GMDS: variants seen among roughly 807,000 people sequenced by gnomAD.
GMDS encodes the protein GDP-mannose 4,6-dehydratase, also known as GDP-mannose 4,6 dehydratase.
A neutral mutation model predicts 49.9 loss-of-function variants in GMDS; 20 were observed. The ratio of observed to expected loss-of-function variants is 0.40; its 90% confidence interval spans 0.28 to 0.58. The LOEUF (loss-of-function observed/expected upper bound fraction) is 0.58. GMDS is among the 20% of genes least tolerant of loss of function. The pLI is 0.42. For synonymous variants in GMDS, 177 were observed against 178.6 expected (o/e 0.99, Z 0.07); for missense variants, 362 against 481.4 (o/e 0.75, Z 2.32).
At chr6:1,874,654 A>T (rs1043892799) in intron 7 of GMDS, among the ~76,000 whole-genome samples, 3 of 152,226 alleles carry the variant, frequency 2.0e-5, no homozygotes, top group Non-Finnish European at 4.4e-5. Context: ...TAGGGGAAGC[A>T]TGACAATATT....
At chr6:1,988,589 C>A (rs1232194185) in intron 4 of GMDS, among the ~76,000 whole-genome samples, 1 of 152,126 alleles carries the variant, frequency 6.6e-6, no homozygotes, top group African/African-American at 2.4e-5. Context: ...AATTTTGGAA[C>A]ATGCATGCCA....
At chr6:1,772,113 C>T (rs1170106119) in intron 7 of GMDS, among the ~76,000 whole-genome samples, 1 of 152,180 alleles carries the variant, frequency 6.6e-6, no homozygotes, top group Non-Finnish European at 1.5e-5. Context: ...TCCAAGTATA[C>T]ACTGCCCTTT....
intron 4 of GMDS, among the ~76,000 whole-genome samples, chr6:2,113,957 G>A (rs1774700935): frequency 6.6e-6 from 1 of 152,192 alleles, no homozygotes; most frequent in Admixed American, 6.5e-5. Context: ...GTGTAGCAAT[G>A]TAGAGGGAAC....
intron 9 of GMDS, among the ~76,000 whole-genome samples, chr6:1,649,378 G>A (rs1333866486): frequency 6.6e-6 from 1 of 152,146 alleles, no homozygotes; most frequent in Non-Finnish European, 1.5e-5. Context: ...TCAAATTGAG[G>A]TCAGAATATC....
intron 7 of GMDS, among the ~76,000 whole-genome samples, chr6:1,852,017 AG>A (rs1212430369): frequency 1.3e-5 from 2 of 152,228 alleles, no homozygotes; most frequent in African/African-American, 2.4e-5. Context: ...CGGAATCACA[AG>A]GGTCCCTGAA....
chr6:1,985,036 T>C (rs1403291253), intron 4 of GMDS, among the ~76,000 whole-genome samples: 1 of 152,208 alleles, frequency 6.6e-6, no homozygotes, highest in Non-Finnish European at 1.5e-5. Context: ...GTCAGGCTTG[T>C]TGCTTAAAAT....
intron 1 of GMDS, among the ~76,000 whole-genome samples, chr6:2,216,496 CGT>C (rs923818380): frequency 2.6e-5 from 4 of 152,156 alleles, no homozygotes; most frequent in Non-Finnish European, 4.4e-5. Context: ...CAGGTGTAAG[CGT>C]GTGTGAGCAC....
chr6:2,202,772 T>C (rs1779608519), intron 1 of GMDS, among the ~76,000 whole-genome samples: 1 of 152,172 alleles, frequency 6.6e-6, no homozygotes, highest in Non-Finnish European at 1.5e-5. Context: ...AAATGCCTCC[T>C]GCTGCAATAA....
At chr6:1,969,520 G>T (rs182949203) in intron 4 of GMDS, among the ~76,000 whole-genome samples, 5 of 152,178 alleles carry the variant, frequency 3.3e-5, no homozygotes, top group Admixed American at 3.3e-4. Flanking sequence ...ACAAGAAGAA[G>T]AATATATGTA....
At chr6:1,663,166 G>A (rs1223441013) in intron 9 of GMDS, among the ~76,000 whole-genome samples, 2 of 152,168 alleles carry the variant, frequency 1.3e-5, no homozygotes, top group Non-Finnish European at 2.9e-5. Context: ...GTGTCTTATG[G>A]CTTTTCTAGA....
At position 2,243,363 on chromosome 6, in the gene GMDS, C is replaced by T. The variant is rs1343563691; in HGVS notation, c.102+1958G>A. ...AAAATTAGGTTCCATTTCTAATCTG[C>T]ACTGATTCATACTGCTGGTCGTGTA... On this transcript the variant is annotated intron_variant, in intron 1 of 10. Coordinates refer to ENST00000380815, the MANE Select transcript of GMDS (RefSeq NM_001500.4). Among the ~76,000 whole-genome samples the T allele has an allele frequency of 3.3e-5, 5 of 152,164 alleles. No homozygotes were observed. The East Asian group carries it at 9.6e-4, about 29-fold the overall frequency.
chr6:2,064,836 G>A (rs1412068352), intron 4 of GMDS, among the ~76,000 whole-genome samples: 1 of 152,150 alleles, frequency 6.6e-6, no homozygotes, highest in Admixed American at 6.5e-5. Flanking sequence ...CTTTTGGGGA[G>A]GGAGATGTCA....
chr6:1,630,520 G>A (rs572916693), intron 9 of GMDS, among the ~76,000 whole-genome samples: 8 of 152,192 alleles, frequency 5.3e-5, no homozygotes, highest in Admixed American at 2.6e-4. Context: ...GGCCTTCCCC[G>A]TTCAACCAGG....
chr6:1,656,203 C>A (rs1373604303), intron 9 of GMDS, among the ~76,000 whole-genome samples: 4 of 152,230 alleles, frequency 2.6e-5, no homozygotes, highest in Admixed American at 2.6e-4. Context: ...GTTAATGGAA[C>A]TTTCTAAAAC....
intron 7 of GMDS, among the ~76,000 whole-genome samples, chr6:1,881,595 T>C (rs1385136549): frequency 2.0e-5 from 3 of 152,172 alleles, no homozygotes; most frequent in Non-Finnish European, 4.4e-5. Context: ...TGCAAAGATG[T>C]GGTTAAAGTA....
At position 2,191,761 on chromosome 6, in the gene GMDS, A is replaced by AC. The variant is rs1439249034; in HGVS notation, c.102+53559dup. 3.3e-5 allele frequency among the ~76,000 whole-genome samples: 5 copies of AC among 152,144 alleles called. No individual in the cohort carries two copies. Among genetic ancestry groups the AC allele is most frequent in the African/African-American group, 4.8e-5 (2 of 41,438 alleles). On this transcript the variant is annotated intron_variant, in intron 1 of 10. Coordinates refer to ENST00000380815, the MANE Select transcript of GMDS (RefSeq NM_001500.4). This position sits in a 1 kb window ranked among gnomAD's most constrained non-coding sequence, Gnocchi z 4.6. ...AGCAGCTTGATGCTGGCCTGCAGGT[A>AC]CCCCATGGATGAGCAGCCTGGGTAC...
intron 7 of GMDS, among the ~76,000 whole-genome samples, chr6:1,885,121 G>A (rs1321744342): frequency 2.0e-5 from 3 of 152,122 alleles, no homozygotes; most frequent in East Asian, 1.9e-4. Context: ...TAAAGCCCTC[G>A]TTATGGAGAA....
intron 1 of GMDS, chr6:2,175,941 C>T (rs1476848187): frequency 6.8e-6 from 10 of 1,475,766 alleles, no homozygotes; most frequent in East Asian, 4.9e-5. Context: ...CCATTTTACA[C>T]ATGAGGAACC....
chr6:2,172,419 G>A (rs1173564797), intron 1 of GMDS, among the ~76,000 whole-genome samples: 1 of 152,138 alleles, frequency 6.6e-6, no homozygotes, highest in Non-Finnish European at 1.5e-5. Flanking sequence ...ATGGCCGGGC[G>A]CAGTGGCTCA....
Sources: gnomAD v4.1 joint callset for allele counts (sites outside exome capture counted in the v4.1 genomes callset) on GRCh38, gnomAD v4.1.1 for gene constraint, Gnocchi (gnomAD v3.1) non-coding constraint, MANE v1.5 for transcripts, NCBI Gene and HGNC (gene_info 2026-07-23, HGNC 2026-07-21) for gene names.